The following FASTKD1 variants were observed in gnomAD, a reference collection of about 807,000 sequenced individuals.
FASTKD1 encodes the protein FAST kinase domains 1.
Under a neutral mutation model 90.9 loss-of-function variants are expected in FASTKD1, and 94 were observed. The ratio of observed to expected loss-of-function variants is 1.03; its 90% CI spans 0.88 to 1.23. FASTKD1 has a LOEUF of 1.23. Among genes scored for constraint, FASTKD1 ranks in the 50% most tolerant of loss-of-function variants. FASTKD1 has a pLI of 0.00. For missense variants in FASTKD1, 945 were observed against 993.5 expected (o/e 0.95, Z 0.66); for synonymous variants, 319 against 345.8 (o/e 0.92, Z 0.86).
At chr2:169,554,582 T>G (rs1407883861) in intron 7 of FASTKD1, among the ~76,000 whole-genome samples, 2 of 114,328 alleles carry the variant, frequency 1.7e-5, no homozygotes, top group Non-Finnish European at 4.3e-5. Flanking sequence ...GAGAATTGCT[T>G]GAACTGGGGA....
Position 169,555,147 on chromosome 2 carries a change from C to G in FASTKD1, c.1191G>C (p.Ala397=). 1 of 1,610,072 alleles carries G rather than the reference C, an allele frequency of 6.2e-7. No individual in the cohort carries two copies. The change falls in exon 7 of 15, where the codon GCG becomes GCC. Residue 397 remains alanine, a synonymous_variant. Coordinates refer to ENST00000453153, the MANE Select transcript of FASTKD1 (RefSeq NM_024622.6). ...ACCTAAGCAGTAATTCTCTAAGTTTCGCAAAAAACTCCTTCCTTTGGAAAT... is the reference window on the plus strand; with the variant it reads ...ACCTAAGCAGTAATTCTCTAAGTTTGGCAAAAAACTCCTTCCTTTGGAAAT... ...FLHFQRKEFF[A]KLRELLLSYL...
At chr2:169,540,583 GATA>G (rs1476963550) in intron 9 of FASTKD1, among the ~76,000 whole-genome samples, 9 of 152,156 alleles carry the variant, frequency 5.9e-5, no homozygotes, top group Admixed American at 5.2e-4. Flanking sequence ...CAGTGTTGAT[GATA>G]ATAATACAAT....
At chr2:169,537,558 A>ATT (rs1684780046) in intron 11 of FASTKD1, among the ~76,000 whole-genome samples, 1 of 151,804 alleles carries the variant, frequency 6.6e-6, no homozygotes, top group Admixed American at 6.6e-5. Flanking sequence ...CTAATTTTGT[A>ATT]TTTTTGTTAG....
chr2:169,532,299 G>A (rs1474533316), intron 12 of FASTKD1, among the ~76,000 whole-genome samples: 4 of 151,632 alleles, frequency 2.6e-5, no homozygotes, highest in East Asian at 1.9e-4. Context: ...TAGCTACTCC[G>A]GCTGAGGAGG....
Position 169,529,972 on chromosome 2 carries a change from CA to C in FASTKD1, c.2443-47del, listed in dbSNP as rs754168967. On this transcript the variant is annotated intron_variant, in intron 14 of 14. Transcript: ENST00000453153. ...TTGAATGAAAGTTTTAAAGCAACAA[CA>C]AAAAACATTGAGGAAGACATATAAG... 7 of 1,337,104 alleles carry C rather than the reference CA, an allele frequency of 5.2e-6. No homozygotes were observed. In the East Asian group the frequency reaches 1.2e-4, roughly 22 times the overall value. 82.8% of individuals were successfully genotyped at this position (1,337,104 alleles called of 1,614,324 possible).
chr2:169,539,795 C>A (rs533486127), intron 10 of FASTKD1, among the ~76,000 whole-genome samples: 19 of 152,158 alleles, frequency 1.2e-4, no homozygotes, highest in Admixed American at 3.9e-4. Flanking sequence ...GATATATAAT[C>A]ATTCACATAG....
At chr2:169,558,651 A>C (rs1174242055) in intron 5 of FASTKD1, among the ~76,000 whole-genome samples, 1 of 151,748 alleles carries the variant, frequency 6.6e-6, no homozygotes, top group Non-Finnish European at 1.5e-5. Flanking sequence ...GGGTTTCACC[A>C]TGTTGGCCAG....
At chr2:169,561,238 C>A (rs1574404751) in intron 4 of FASTKD1, among the ~76,000 whole-genome samples, 1 of 150,632 alleles carries the variant, frequency 6.6e-6, no homozygotes, top group East Asian at 2.0e-4. Flanking sequence ...GCAGAGGTTG[C>A]ATCATTGCAC....
chr2:169,546,532 G>A lies in FASTKD1; in HGVS notation c.1387C>T (p.Gln463Ter), dbSNP rs148253352. ...TTATCCAAATACATGTGATCATGCT[G>A]AATCCATCTTAAAACAGATGTGGCA... ...SFATSVLRWI[Q>*]HDHMYLDNMT... is the part of the protein sequence containing the mutation. Residue 463 changes from glutamine (Q) to a stop codon, truncating the protein, a stop_gained, in exon 8 of 15, where the codon CAG (glutamine) becomes TAG (stop). Transcript: ENST00000453153. LOFTEE classifies it high-confidence loss of function. 86 of 1,614,086 alleles carry A rather than the reference G, an allele frequency of 5.3e-5. No homozygotes were observed. Among genetic ancestry groups the A allele is most frequent in the Non-Finnish European group, 7.0e-5 (83 of 1,180,020 alleles).
chr2:169,547,884 C>CAAAA (rs1158292826), intron 7 of FASTKD1, among the ~76,000 whole-genome samples: 453 of 21,332 alleles, frequency 0.021, 78 homozygotes, highest in Non-Finnish European at 0.027. Context: ...GACTCCATCT[C>CAAAA]AAAAAAAAAA....
Position 169,560,798 on chromosome 2 carries a change from A to C in FASTKD1, c.573-13T>G. The C allele has an allele frequency of 6.7e-7, 1 of 1,489,088 alleles. No individual in the cohort carries two copies. Among genetic ancestry groups the C allele is most frequent in the East Asian group, 2.4e-5 (1 of 41,420 alleles). 92.2% of individuals were successfully genotyped at this position (1,489,088 alleles called of 1,614,324 possible). ...GACAGACAAGGAACTGAAAAAGAAA[A>C]AAGATGCAAAGATTTTTACATCAAT... On this transcript the variant is annotated splice_polypyrimidine_tract_variant and intron_variant, in intron 4 of 14. Coordinates refer to ENST00000453153, the MANE Select transcript of FASTKD1 (RefSeq NM_024622.6).
intron 8 of FASTKD1, 85 bp from the exon 9 acceptor site, chr2:169,544,920 C>A (rs1327451260): frequency 8.7e-6 from 6 of 690,742 alleles, no homozygotes; most frequent in Middle Eastern, 3.0e-4. Flanking sequence ...TAGGAGAAAT[C>A]TTTTCCTATC....
chr2:169,573,052 T>C (rs1684300982), intron 1 of FASTKD1: 1 of 152,144 alleles, frequency 6.6e-6, no homozygotes, highest in Non-Finnish European at 1.5e-5. Context: ...TTCAAAAAGG[T>C]TTAAAAAATC....
At chr2:169,553,025 G>A (rs1301760071) in intron 7 of FASTKD1, among the ~76,000 whole-genome samples, 1 of 151,806 alleles carries the variant, frequency 6.6e-6, no homozygotes, top group Non-Finnish European at 1.5e-5. Context: ...TGGCCAACAT[G>A]GTGAAACCTA....
In FASTKD1 at chr2:169,572,158, C is replaced by G; in HGVS notation, c.-129G>C. The G allele has an allele frequency of 9.7e-7, 1 of 1,035,348 alleles. No homozygotes were observed. The highest frequency in any genetic ancestry group is 3.1e-5 in the Admixed American group (1 of 31,752). 64.1% of individuals were successfully genotyped at this position (1,035,348 alleles called of 1,614,324 possible). On this transcript the variant is annotated 5_prime_UTR_variant, in exon 2 of 15. Coordinates refer to ENST00000453153, the MANE Select transcript of FASTKD1 (RefSeq NM_024622.6). Reference sequence around the variant, plus strand: ...CCATTACAATGACTGTAAACGCATTCCAATGTACAGCTTCTATAAAAGAAT... The same window carrying G: ...CCATTACAATGACTGTAAACGCATTGCAATGTACAGCTTCTATAAAAGAAT...
chr2:169,572,331 A>T (rs1684271500), intron 1 of FASTKD1, among the ~76,000 whole-genome samples, 160 bp from the exon 2 acceptor site: 1 of 152,150 alleles, frequency 6.6e-6, no homozygotes, highest in Non-Finnish European at 1.5e-5. Context: ...ATGTCCAGAA[A>T]AAGGGGCTTC....
Position 169,543,861 on chromosome 2 carries a change from A to C in FASTKD1, c.1816+860T>G, listed in dbSNP as rs563565856. Among the ~76,000 whole-genome samples, 13 of 152,328 alleles carry C rather than the reference A, an allele frequency of 8.5e-5. No homozygotes were observed. The East Asian group carries it at 2.5e-3, about 29-fold the overall frequency. ...CAAGAAAAGAAAAAAAGGAAACAAA[A>C]TTCTAAACTATAAGAGACTGAAGAG... On this transcript the variant is annotated intron_variant, in intron 9 of 14. Transcript: ENST00000453153.
At chr2:169,568,628 T>TAAAAAA (rs10618482) in intron 3 of FASTKD1, among the ~76,000 whole-genome samples, 2 of 41,506 alleles carry the variant, frequency 4.8e-5, no homozygotes, top group African/African-American at 6.6e-5. Context: ...CCCTGTCCAT[T>TAAAAAA]AAAAAAAAAA....
intron 4 of FASTKD1, 54 bp from the exon 5 acceptor site, chr2:169,560,839 CTTTTTTTTT>C (rs1204635514): frequency 2.8e-5 from 7 of 246,382 alleles, no homozygotes; most frequent in African/African-American, 1.8e-4. Flanking sequence ...ATGATCAATT[CTTTTTTTTT>C]TTTTTTTTTT....
Sources: allele counts gnomAD v4.1 joint callset (sites outside exome capture counted in the v4.1 genomes callset), GRCh38; gene constraint gnomAD v4.1.1; transcripts MANE v1.5; gene names NCBI Gene and HGNC (gene_info 2026-07-23, HGNC 2026-07-21).